NUP210L: variants seen among roughly 807,000 people sequenced by gnomAD.
NUP210L encodes nuclear pore membrane glycoprotein 210-like.
In NUP210L, 74 loss-of-function variants were observed where a neutral mutation model predicts 208.5. That is an observed-to-expected ratio of 0.35 (90% confidence interval 0.29 to 0.43). The LOEUF (loss-of-function observed/expected upper bound fraction) is 0.43. Among genes scored for constraint, NUP210L ranks in the 20% least tolerant of loss-of-function variants. The probability of loss-of-function intolerance (pLI) is 1.00; values close to 1 mark genes in which losing one functional copy is unlikely to be tolerated. For missense variants in NUP210L, 1,843 were observed against 2,289.4 expected, an observed-to-expected ratio of 0.81 and a Z score of 3.98; for synonymous variants, 780 against 816.9, an observed-to-expected ratio of 0.95 and a Z score of 0.77.
chr1:154,089,594 C>G (rs1243110610), exon 16 of NUP210L: 23 of 1,613,716 alleles, frequency 1.4e-5, no homozygotes, highest in Non-Finnish European at 1.9e-5. Context: ...AATGTGAGAA[C>G]CTTTAAGGAA....
chr1:154,150,978 A>C (rs1454975617), intron 2 of NUP210L, among the ~76,000 whole-genome samples: 1 of 152,094 alleles, frequency 6.6e-6, no homozygotes, highest in Non-Finnish European at 1.5e-5. Flanking sequence ...ATCTATGTAC[A>C]CAATTGTATT....
intron 7 of NUP210L, among the ~76,000 whole-genome samples, chr1:154,134,990 G>A (rs1428495848): frequency 2.6e-5 from 4 of 151,306 alleles, no homozygotes; most frequent in African/African-American, 9.7e-5. Flanking sequence ...AGCCGGCCTC[G>A]GCCTCCCAAA....
At position 154,105,414 on chromosome 1, in the gene NUP210L, G is replaced by T. The variant is rs189279975; in HGVS notation, c.1621-1204C>A. 1.9e-3 allele frequency among the ~76,000 whole-genome samples: 290 copies of T among 150,252 alleles called. 1 individual carries two copies. Among genetic ancestry groups the T allele is most frequent in the Non-Finnish European group, 3.3e-3 (226 of 67,718 alleles). On this transcript the variant is annotated intron_variant, in intron 12 of 39. Transcript: ENST00000368559. ...TGAGGCATGAGAATTGCTTGAACCC[G>T]GGGGGTGGAGGTTGCAGTGAGCCGA... is the stretch of plus-strand genomic sequence containing the variant.
At chr1:154,092,959 A>G (rs916814502) in intron 15 of NUP210L, among the ~76,000 whole-genome samples, 10 of 152,128 alleles carry the variant, frequency 6.6e-5, no homozygotes, top group African/African-American at 2.4e-4. Context: ...TCCTGGCCTC[A>G]AGTGATCCTC....
At chr1:154,029,405 CA>C (rs1204173523) in intron 28 of NUP210L, among the ~76,000 whole-genome samples, 1 of 107,838 alleles carries the variant, frequency 9.3e-6, no homozygotes, top group African/African-American at 3.5e-5. Context: ...AAAAAAACCA[CA>C]AAAAAACAAA....
At chr1:154,126,266 G>A in intron 10 of NUP210L, 57 bp downstream of exon 10, 1 of 1,493,598 alleles carries the variant, frequency 6.7e-7, no homozygotes. Context: ...AAATCAACAA[G>A]TCAGCCAAGC....
chr1:154,059,971 G>T (rs1654052010), intron 20 of NUP210L, among the ~76,000 whole-genome samples: 1 of 152,168 alleles, frequency 6.6e-6, no homozygotes, highest in Non-Finnish European at 1.5e-5. Flanking sequence ...GTCAACAGTG[G>T]CCTGGCGCAG....
At chr1:154,082,517 T>C (rs1407707860) in intron 16 of NUP210L, among the ~76,000 whole-genome samples, 4 of 152,050 alleles carry the variant, frequency 2.6e-5, no homozygotes, top group African/African-American at 9.7e-5. Context: ...GAGGATGGCA[T>C]GCTCAGTGAG....
rs553020250 is a variant in NUP210L, at chr1:154,155,005, C to T, written c.40G>A (p.Gly14Arg). 3.7e-6 allele frequency: 6 copies of T among 1,613,044 alleles called. No homozygotes were observed. In the African/African-American group the frequency reaches 4.0e-5, roughly 11 times the overall value. ...TGTAGACGCAAGAAGAAAAAGAGCC[C>T]GAAGCCTCGGCGTCTTGATGACGCC... is the stretch of plus-strand genomic sequence containing the variant. The change falls in exon 1 of 40, where the codon GGG (glycine) becomes AGG (arginine). Residue 14 changes from glycine to arginine, a missense_variant. Transcript: ENST00000368559.
At chr1:154,140,666 C>CAAAAAAAAAAAAAAAAAAACAAA in intron 4 of NUP210L, among the ~76,000 whole-genome samples, 1 of 102,470 alleles carries the variant, frequency 9.8e-6, no homozygotes, top group Non-Finnish European at 2.2e-5. Context: ...GACTCCATCT[C>CAAAAAAAAAAAAAAAAAAACAAA]AAAAAAAAAA....
chr1:154,115,335 A>G (rs1657266923), intron 12 of NUP210L, among the ~76,000 whole-genome samples: 1 of 152,212 alleles, frequency 6.6e-6, no homozygotes, highest in South Asian at 2.1e-4. Flanking sequence ...TTGAGGCTAC[A>G]CAGTCTCCGT....
chr1:154,104,205 A>G (rs745706895), exon 13 of NUP210L: 1 of 1,613,418 alleles, frequency 6.2e-7, no homozygotes, highest in East Asian at 2.2e-5. Flanking sequence ...GTTTCAGGAC[A>G]TGTATCTGGA....
At chr1:154,130,686 C>T (rs980618127) in intron 7 of NUP210L, among the ~76,000 whole-genome samples, 1 of 149,964 alleles carries the variant, frequency 6.7e-6, no homozygotes, top group Non-Finnish European at 1.5e-5. Flanking sequence ...TGGACTCAAG[C>T]GATTCTCCTA....
At chr1:154,054,499 C>T (rs1653700564) in intron 24 of NUP210L, 92 bp from the exon 25 acceptor site, 3 of 1,181,284 alleles carry the variant, frequency 2.5e-6, no homozygotes, top group South Asian at 2.8e-5. Flanking sequence ...TTGACTTCTT[C>T]ATCTTCCCCC....
At chr1:154,126,514 G>C in intron 9 of NUP210L, 51 bp from the exon 10 acceptor site, 1 of 1,495,538 alleles carries the variant, frequency 6.7e-7, no homozygotes, top group South Asian at 1.3e-5. Flanking sequence ...TTCTTTCCCT[G>C]AAGTCATCTT....
At chr1:154,050,960 T>C (rs915958400) in intron 25 of NUP210L, among the ~76,000 whole-genome samples, 3 of 152,208 alleles carry the variant, frequency 2.0e-5, no homozygotes, top group African/African-American at 7.2e-5. Flanking sequence ...TTGATATGCC[T>C]ATTAATGTGA....
intron 15 of NUP210L, among the ~76,000 whole-genome samples, chr1:154,093,285 G>A (rs578050770): frequency 2.6e-5 from 4 of 152,122 alleles, no homozygotes; most frequent in Non-Finnish European, 4.4e-5. Flanking sequence ...AAAATTAGCC[G>A]GGTGTGGTGG....
rs1301243887 is a variant in NUP210L at position 154,129,350 on chromosome 1, A to T, written c.1010-5T>A. The T allele has an allele frequency of 6.2e-7, 1 of 1,602,148 alleles. No individual in the cohort carries two copies. The highest frequency in any genetic ancestry group is 8.5e-7 in the Non-Finnish European group (1 of 1,172,212). ...ACACAGATCGCATATGAACATCTTA[A>T]TTTTTGCTTAAGGAAATCATGTGAG... On this transcript the variant is annotated splice_polypyrimidine_tract_variant and splice_region_variant and intron_variant, in intron 7 of 39. Coordinates refer to ENST00000368559, the Ensembl canonical transcript of NUP210L.
chr1:153,993,586 G>T (rs1649615904), intron 38 of NUP210L, among the ~76,000 whole-genome samples: 1 of 150,932 alleles, frequency 6.6e-6, no homozygotes. Context: ...AAAAAAGTGG[G>T]GAAATGGAGT....
Sources: allele counts gnomAD v4.1 joint callset (sites outside exome capture counted in the v4.1 genomes callset), GRCh38; gene constraint gnomAD v4.1.1; transcripts MANE v1.5; gene names NCBI Gene and HGNC (gene_info 2026-07-23, HGNC 2026-07-21).